Variants in STAG2 observed in about 807,000 individuals in gnomAD.
The protein encoded by STAG2 is cohesin subunit SA-2.
STAG2 carries 14 observed loss-of-function variants against 108.1 expected under a neutral mutation model. That is an observed-to-expected ratio of 0.13 (90% CI 0.09 to 0.20). The LOEUF is 0.20. STAG2 is among the 10% of genes least tolerant of loss of function. STAG2 has a pLI of 1.00. For missense variants in STAG2, 440 were observed against 940.9 expected (o/e 0.47, Z 6.96); for synonymous variants, 307 against 302.7 (o/e 1.01, Z -0.15).
chrX:124,066,553 C>T, intron 23 of STAG2, 117 bp downstream of exon 23: 1 of 502,057 alleles, frequency 2.0e-6, no homozygotes, highest in African/African-American at 2.4e-5. Flanking sequence ...TTCTAATGTA[C>T]TGTTATTTGT....
intron 4 of STAG2, among the ~76,000 whole-genome samples, chrX:124,030,586 C>T (rs1053112419): frequency 5.4e-5 from 6 of 111,592 alleles, no homozygotes; most frequent in Non-Finnish European, 9.4e-5. Context: ...TTTTCATTAT[C>T]GCAGCAACCC....
In STAG2 at chrX:123,973,966, A is replaced by C. The variant is rs1016968720; in HGVS notation, c.-163+12110A>C. On this transcript the variant is annotated intron_variant, in intron 1 of 34. Coordinates refer to ENST00000371145, the MANE Select transcript of STAG2 (RefSeq NM_001042750.2). ...GTCACTACAGAAGGGTTAAAAAAATACCTATTAAAATACCGTGTATTGGGT... is the reference window on the plus strand; with the variant it reads ...GTCACTACAGAAGGGTTAAAAAAATCCCTATTAAAATACCGTGTATTGGGT... Among the ~76,000 whole-genome samples the C allele has an allele frequency of 2.7e-5, 3 of 111,566 alleles. No homozygotes were observed. The Admixed American group carries it at 2.9e-4, about 11-fold the overall frequency.
At chrX:124,021,225 G>T (rs1449499467) in intron 1 of STAG2, 142 bp from the exon 2 acceptor site, 1 of 111,792 alleles carries the variant, frequency 8.9e-6, no homozygotes, top group Non-Finnish European at 1.9e-5. Flanking sequence ...TTTCTAGAGA[G>T]ATAAAATTAC....
intron 1 of STAG2, among the ~76,000 whole-genome samples, chrX:123,996,274 T>C (rs1391280929): frequency 1.8e-5 from 2 of 112,486 alleles, no homozygotes; most frequent in Non-Finnish European, 3.8e-5. Context: ...TTAAATATTA[T>C]TCAGATAGCT....
At chrX:123,983,959 ATTTTC>A (rs1248025517) in intron 1 of STAG2, among the ~76,000 whole-genome samples, 22 of 77,912 alleles carry the variant, frequency 2.8e-4, no homozygotes, top group African/African-American at 1.1e-3. Flanking sequence ...AAAAAGAATA[ATTTTC>A]TTTTCTTTTC....
chrX:124,067,343 A>G (rs767642332), intron 23 of STAG2, among the ~76,000 whole-genome samples: 44 of 91,498 alleles, frequency 4.8e-4, no homozygotes, highest in African/African-American at 1.6e-3. Flanking sequence ...ATCTCGGCTC[A>G]CTGCAACCTC....
At chrX:124,026,884 A>G (rs2057121661) in intron 4 of STAG2, among the ~76,000 whole-genome samples, 1 of 111,162 alleles carries the variant, frequency 9.0e-6, no homozygotes, top group African/African-American at 3.3e-5. Flanking sequence ...CTATTTTTTA[A>G]ATTAAATTTA....
At position 124,100,795 on chromosome X, in the gene STAG2, A is replaced by G; in HGVS notation, c.*198A>G. Reference sequence around the variant, plus strand: ...ACGTAAAGGACAAGTAAACAATTTGATGATAAGCTACAGTTTTTCTTAGAA... The same window carrying G: ...ACGTAAAGGACAAGTAAACAATTTGGTGATAAGCTACAGTTTTTCTTAGAA... On this transcript the variant is annotated 3_prime_UTR_variant, in exon 35 of 35. Coordinates refer to ENST00000371145, the MANE Select transcript of STAG2 (RefSeq NM_001042750.2). 3.3e-6 allele frequency: 1 copy of G among 302,332 alleles called. No homozygotes were observed. Among genetic ancestry groups the G allele is most frequent in the African/African-American group, 2.7e-5 (1 of 36,702 alleles). 24.9% of individuals were successfully genotyped at this position (302,332 alleles called of 1,213,427 possible). A position where few individuals can be genotyped will look rare whatever the true frequency, so the allele number is the denominator to read the frequency against.
In STAG2 at chrX:124,022,594, C is replaced by T. The variant is rs746254530; in HGVS notation, c.-34C>T. Reference sequence around the variant, plus strand: ...CCCACGTAAATATATGAATATATTTCTGACATTGAGGTGTTCCAGAAGATG... The same window carrying T: ...CCCACGTAAATATATGAATATATTTTTGACATTGAGGTGTTCCAGAAGATG... On this transcript the variant is annotated 5_prime_UTR_variant, in exon 3 of 35. Transcript: ENST00000371145. 27 of 1,132,475 alleles carry T rather than the reference C, an allele frequency of 2.4e-5. No homozygotes were observed. The highest frequency in any genetic ancestry group is 1.8e-4 in the Admixed American group (6 of 33,901). 93.3% of individuals were successfully genotyped at this position (1,132,475 alleles called of 1,213,427 possible). A position where few individuals can be genotyped will look rare whatever the true frequency, so the allele number is the denominator to read the frequency against.
At chrX:124,016,605 G>T (rs1352584560) in intron 1 of STAG2, among the ~76,000 whole-genome samples, 1 of 111,447 alleles carries the variant, frequency 9.0e-6, no homozygotes, top group African/African-American at 3.3e-5. Context: ...CTAGAATAGG[G>T]AGTTGGCCAG....
intron 1 of STAG2, among the ~76,000 whole-genome samples, chrX:124,009,951 A>G (rs1309962649): frequency 2.7e-5 from 3 of 111,448 alleles, no homozygotes; most frequent in Non-Finnish European, 5.7e-5. Context: ...CTGAGTGTAG[A>G]TATCAATGAT....
At chrX:124,091,238 T>C (rs2059245356) in intron 32 of STAG2, among the ~76,000 whole-genome samples, 1 of 111,642 alleles carries the variant, frequency 9.0e-6, no homozygotes, top group African/African-American at 3.3e-5. Context: ...AAAAATACAG[T>C]TGTGTTACAT....
At chrX:124,058,864 G>C (rs778422996) in intron 15 of STAG2, among the ~76,000 whole-genome samples, 1 of 111,714 alleles carries the variant, frequency 9.0e-6, no homozygotes, top group Non-Finnish European at 1.9e-5. Flanking sequence ...TAATTTTCTA[G>C]TTATTTCTAT....
At chrX:124,089,343 TATTA>T (rs2059195653) in intron 30 of STAG2, among the ~76,000 whole-genome samples, 1 of 112,844 alleles carries the variant, frequency 8.9e-6, no homozygotes, top group African/African-American at 3.2e-5. Flanking sequence ...AAATTTGACT[TATTA>T]ATTATGGCAA....
At chrX:123,984,725 C>T (rs1287714918) in intron 1 of STAG2, among the ~76,000 whole-genome samples, 3 of 111,214 alleles carry the variant, frequency 2.7e-5, no homozygotes, top group Non-Finnish European at 5.7e-5. Flanking sequence ...CAGCTTCTGC[C>T]TCCCAGGGCT....
In STAG2 at chrX:124,063,302, C is replaced by T. The variant is rs767800961; in HGVS notation, c.1821+97C>T. ...TATTTCTTAAAATGTTTTTTTGGAA[C>T]GTATTTTAAGAAAGGAAACCTATAG... On this transcript the variant is annotated intron_variant, in intron 19 of 34. Coordinates refer to ENST00000371145, the MANE Select transcript of STAG2 (RefSeq NM_001042750.2). 3.8e-5 allele frequency: 26 copies of T among 689,880 alleles called. No homozygotes were observed. In the South Asian group the frequency reaches 3.9e-4, roughly 10 times the overall value. 56.9% of individuals were successfully genotyped at this position (689,880 alleles called of 1,213,427 possible). A position where few individuals can be genotyped will look rare whatever the true frequency, so the allele number is the denominator to read the frequency against.
chrX:124,006,214 G>C (rs910201071), intron 1 of STAG2, among the ~76,000 whole-genome samples: 8 of 110,963 alleles, frequency 7.2e-5, no homozygotes, highest in Admixed American at 3.9e-4. Context: ...TACAAACAAA[G>C]GTCCTATGGA....
intron 10 of STAG2, 118 bp from the exon 11 acceptor site, chrX:124,050,068 G>A: frequency 7.0e-6 from 6 of 857,996 alleles, no homozygotes; most frequent in Non-Finnish European, 9.5e-6. Context: ...TTAATCCCTA[G>A]TAATAAGATA....
intron 26 of STAG2, among the ~76,000 whole-genome samples, chrX:124,077,474 A>G (rs1036901630): frequency 2.8e-4 from 31 of 111,658 alleles, no homozygotes; most frequent in African/African-American, 9.1e-4. Context: ...AAAGTTGTTT[A>G]TATGCTTTCC....
Sources: gnomAD v4.1 joint callset for allele counts (sites outside exome capture counted in the v4.1 genomes callset) on GRCh38, gnomAD v4.1.1 for gene constraint, MANE v1.5 for transcripts, NCBI Gene and HGNC (gene_info 2026-07-23, HGNC 2026-07-21) for gene names.